IMMP2L: variants seen among roughly 807,000 people sequenced by gnomAD.
IMMP2L encodes the protein inner mitochondrial membrane peptidase subunit 2, also known as mitochondrial inner membrane protease subunit 2.
IMMP2L carries 18 observed loss-of-function variants against 19.3 expected under a neutral mutation model. That is an observed-to-expected ratio of 0.93 (90% CI 0.64 to 1.38). IMMP2L has a LOEUF of 1.38. Among genes scored for constraint, IMMP2L ranks in the 40% most tolerant of loss-of-function variants. IMMP2L has a pLI of 0.00. For synonymous variants in IMMP2L, 76 were observed against 73.0 expected (o/e 1.04, Z -0.21); for missense variants, 233 against 218.2 (o/e 1.07, Z -0.43).
intron 5 of IMMP2L, among the ~76,000 whole-genome samples, chr7:110,835,738 G>A (rs1469597932): frequency 6.6e-6 from 1 of 151,502 alleles, no homozygotes; most frequent in Non-Finnish European, 1.5e-5. Context: ...ATATGACACT[G>A]TATTCAATAA....
intron 5 of IMMP2L, among the ~76,000 whole-genome samples, chr7:110,729,045 T>G (rs1027105589): frequency 7.8e-6 from 1 of 127,646 alleles, no homozygotes; most frequent in Non-Finnish European, 1.9e-5. Flanking sequence ...CCACTATGCC[T>G]GGCTAATTTT....
rs188215416 is a variant in IMMP2L, at chr7:111,061,978, T to G, written c.240-98413A>C. On this transcript the variant is annotated intron_variant, in intron 3 of 5. Coordinates refer to ENST00000405709, the MANE Select transcript of IMMP2L (RefSeq NM_032549.4). ...TGCTCTCCCGCCACCACAACATCAT[T>G]TCAGAGCTGGCTCCTTTCCACCTTT... Among the ~76,000 whole-genome samples the G allele has an allele frequency of 3.3e-5, 5 of 152,328 alleles. No homozygotes were observed. The East Asian group carries it at 9.7e-4, about 29-fold the overall frequency.
At chr7:111,281,224 GAAAGAAAGAAAGAAAGAAAGA>G (rs1584433751) in intron 3 of IMMP2L, among the ~76,000 whole-genome samples, 7 of 87,298 alleles carry the variant, frequency 8.0e-5, no homozygotes, top group South Asian at 4.5e-4. Flanking sequence ...GAAAAAGAAA[GAAAGAAAGAAAGAAAGAAAGA>G]AGAGAGAGAG....
rs116016407 is a variant in IMMP2L, at chr7:110,705,954, C to A, written c.409-42233G>T. The stretch of plus-strand genomic sequence containing the variant: ...GTATATGTACTACATTTTCTTTATC[C>A]TATGCATCATTGATGGGCACCTAGG... On this transcript the variant is annotated intron_variant, in intron 5 of 5. Coordinates refer to ENST00000405709, the MANE Select transcript of IMMP2L (RefSeq NM_032549.4). Among the ~76,000 whole-genome samples the A allele has an allele frequency of 3.6e-3, 547 of 152,154 alleles. 7 individuals are homozygous for A. The highest frequency in any genetic ancestry group is 0.012 in the African/African-American group (515 of 41,492).
At position 111,361,805 on chromosome 7, in the gene IMMP2L, A is replaced by G. The variant is rs527796660; in HGVS notation, c.239+125433T>C. On this transcript the variant is annotated intron_variant, in intron 3 of 5. Transcript: ENST00000405709. ...ACTACTCTTCATTACTAACAAGATAATAACCTTTCAGTAGGTATTATCTCA... is the reference window on the plus strand; with the variant it reads ...ACTACTCTTCATTACTAACAAGATAGTAACCTTTCAGTAGGTATTATCTCA... Among the ~76,000 whole-genome samples, 19 of 152,284 alleles carry G rather than the reference A, an allele frequency of 1.2e-4. No individual in the cohort carries two copies. The South Asian group carries it at 3.7e-3, about 30-fold the overall frequency.
chr7:110,713,324 A>T (rs190336742), intron 5 of IMMP2L, among the ~76,000 whole-genome samples: 2 of 152,238 alleles, frequency 1.3e-5, no homozygotes, highest in African/African-American at 4.8e-5. Flanking sequence ...TTACATTACT[A>T]GTTTGAAGTC....
chr7:111,401,249 T>G (rs1002527610), intron 3 of IMMP2L, among the ~76,000 whole-genome samples: 1 of 152,170 alleles, frequency 6.6e-6, no homozygotes, highest in African/African-American at 2.4e-5. Flanking sequence ...TACTTACCTG[T>G]AAATACTAAA....
chr7:111,469,677 A>G (rs1841030991), intron 3 of IMMP2L, among the ~76,000 whole-genome samples: 2 of 152,188 alleles, frequency 1.3e-5, no homozygotes, highest in Admixed American at 6.5e-5. Context: ...CCATATGTAC[A>G]AAGCTGAAAC....
chr7:111,150,596 T>C (rs1244164424), intron 3 of IMMP2L, among the ~76,000 whole-genome samples: 8 of 152,144 alleles, frequency 5.3e-5, no homozygotes, highest in African/African-American at 1.7e-4. Flanking sequence ...AGAAGCAAGG[T>C]TGAAGTGTGT....
chr7:110,816,338 T>G (rs1802513922), intron 5 of IMMP2L, among the ~76,000 whole-genome samples: 1 of 152,132 alleles, frequency 6.6e-6, no homozygotes, highest in South Asian at 2.1e-4. Flanking sequence ...AGACAGTTTG[T>G]TATAATTTCT....
intron 3 of IMMP2L, among the ~76,000 whole-genome samples, chr7:111,188,683 T>C (rs554550517): frequency 1.3e-5 from 2 of 152,102 alleles, no homozygotes; most frequent in Non-Finnish European, 2.9e-5. Context: ...GTTAATTTCT[T>C]GTACTTGCTA....
intron 3 of IMMP2L, among the ~76,000 whole-genome samples, chr7:111,138,424 C>T (rs996165179): frequency 1.3e-5 from 2 of 152,172 alleles, no homozygotes; most frequent in Non-Finnish European, 2.9e-5. Flanking sequence ...AAATTAACTC[C>T]AGGGGCCATA....
intron 3 of IMMP2L, among the ~76,000 whole-genome samples, chr7:111,194,916 T>C (rs1809308877): frequency 6.6e-6 from 1 of 152,164 alleles, no homozygotes; most frequent in Admixed American, 6.5e-5. Flanking sequence ...TATATACTTA[T>C]GCAAAAATAT....
At chr7:111,512,857 T>C (rs1688394948) in intron 2 of IMMP2L, among the ~76,000 whole-genome samples, 2 of 152,130 alleles carry the variant, frequency 1.3e-5, no homozygotes, top group African/African-American at 2.4e-5. Flanking sequence ...GAGGAAAGAA[T>C]AGGTTCTTCA....
chr7:111,194,171 G>C (rs1809212672), intron 3 of IMMP2L, among the ~76,000 whole-genome samples: 1 of 152,178 alleles, frequency 6.6e-6, no homozygotes, highest in Non-Finnish European at 1.5e-5. Flanking sequence ...AGGACTGTGA[G>C]CCCCTGAAGA....
At chr7:111,069,055 A>T (rs1367627269) in intron 3 of IMMP2L, among the ~76,000 whole-genome samples, 1 of 152,228 alleles carries the variant, frequency 6.6e-6, no homozygotes, top group East Asian at 1.9e-4. Flanking sequence ...TTGAGCCAAG[A>T]GGCTTGCTTG....
At chr7:110,926,389 T>C (rs1373384118) in intron 4 of IMMP2L, among the ~76,000 whole-genome samples, 1 of 152,194 alleles carries the variant, frequency 6.6e-6, no homozygotes, top group Admixed American at 6.5e-5. Flanking sequence ...GGTTTCTATA[T>C]ATTTATGTCT....
At chr7:111,321,318 T>G (rs1824685040) in intron 3 of IMMP2L, among the ~76,000 whole-genome samples, 1 of 151,886 alleles carries the variant, frequency 6.6e-6, no homozygotes, top group African/African-American at 2.4e-5. Context: ...AGAATTATAA[T>G]CAAAATCCTG....
intron 3 of IMMP2L, among the ~76,000 whole-genome samples, chr7:111,174,125 C>T (rs746943594): frequency 6.6e-6 from 1 of 151,506 alleles, no homozygotes; most frequent in Non-Finnish European, 1.5e-5. Flanking sequence ...TTTTTAAAAC[C>T]GTGGGACCCT....
Sources: gnomAD v4.1 joint callset for allele counts (sites outside exome capture counted in the v4.1 genomes callset) on GRCh38, gnomAD v4.1.1 for gene constraint, MANE v1.5 for transcripts, NCBI Gene and HGNC (gene_info 2026-07-23, HGNC 2026-07-21) for gene names.